Variants in GRHL2 observed in about 807,000 individuals in gnomAD.
GRHL2 encodes grainyhead like transcription factor 2, also known as grainyhead-like protein 2 homolog.
In GRHL2, 21 loss-of-function variants were observed where a neutral mutation model predicts 83.8. That is an observed-to-expected ratio of 0.25 (90% CI 0.18 to 0.36). The LOEUF is 0.36. GRHL2 is among the 10% of genes least tolerant of loss of function. The pLI is 1.00. For synonymous variants in GRHL2, 280 were observed against 278.9 expected (o/e 1.00, Z -0.04); for missense variants, 623 against 781.8 (o/e 0.80, Z 2.42).
At chr8:101,570,235 T>C in intron 4 of GRHL2, 104 bp from the exon 5 acceptor site, 1 of 988,746 alleles carries the variant, frequency 1.0e-6, no homozygotes. Flanking sequence ...TACATAACTT[T>C]ATTTTCTAAT....
chr8:101,624,617 T>C (rs1813044931), intron 9 of GRHL2, among the ~76,000 whole-genome samples: 1 of 117,678 alleles, frequency 8.5e-6, no homozygotes, highest in African/African-American at 3.0e-5. Flanking sequence ...CACAGGACAG[T>C]TTACAGTACA....
At chr8:101,595,072 T>C (rs1272730789) in intron 7 of GRHL2, among the ~76,000 whole-genome samples, 1 of 152,198 alleles carries the variant, frequency 6.6e-6, no homozygotes, top group African/African-American at 2.4e-5. Flanking sequence ...ATTCTGTCTC[T>C]AGGACTGAAA....
intron 9 of GRHL2, 44 bp downstream of exon 9, chr8:101,619,741 A>G: frequency 6.9e-7 from 1 of 1,445,298 alleles, no homozygotes; most frequent in Non-Finnish European, 9.7e-7. Context: ...CTTTTTTATT[A>G]GATATTACTT....
intron 7 of GRHL2, among the ~76,000 whole-genome samples, chr8:101,588,573 A>G (rs535395499): frequency 6.6e-6 from 1 of 152,294 alleles, no homozygotes; most frequent in African/African-American, 2.4e-5. Flanking sequence ...TTGGGCAGCC[A>G]GGGGTAAGTG....
chr8:101,624,755 C>A (rs1040806336), intron 9 of GRHL2, among the ~76,000 whole-genome samples: 4 of 152,096 alleles, frequency 2.6e-5, no homozygotes, highest in Non-Finnish European at 5.9e-5. Context: ...TTTCCAGAGG[C>A]CTGTTAACTC....
chr8:101,674,273 G>T (rs566741765), downstream of GRHL2, among the ~76,000 whole-genome samples: 1 of 152,188 alleles, frequency 6.6e-6, no homozygotes, highest in South Asian at 2.1e-4. Context: ...CCAGGAGCTG[G>T]TCTTTTGAAA....
At chr8:101,519,940 T>TATTTTCCTAATAAGA (rs1211853878) in intron 1 of GRHL2, among the ~76,000 whole-genome samples, 1 of 152,228 alleles carries the variant, frequency 6.6e-6, no homozygotes, top group Non-Finnish European at 1.5e-5. Flanking sequence ...AATTAGTTCT[T>TATTTTCCTAATAAGA]ATTTTCCTAA....
intron 14 of GRHL2, among the ~76,000 whole-genome samples, chr8:101,657,612 G>A (rs1054516055): frequency 9.9e-5 from 15 of 152,078 alleles, no homozygotes; most frequent in Admixed American, 5.2e-4. Context: ...AGGCCGAGAC[G>A]GGTGGATCAC....
chr8:101,543,802 A>G lies in GRHL2; in HGVS notation c.216+366A>G, dbSNP rs1374223946. 7 of 287,118 alleles carry G rather than the reference A, an allele frequency of 2.4e-5. No individual in the cohort carries two copies. The East Asian group carries it at 3.8e-4, about 16-fold the overall frequency. 17.8% of individuals were successfully genotyped at this position (287,118 alleles called of 1,614,324 possible). A position where few individuals can be genotyped will look rare whatever the true frequency, so the allele number is the denominator to read the frequency against. On this transcript the variant is annotated intron_variant, in intron 2 of 15. Transcript: ENST00000646743. ...TTACATTGAGTGGCTTTATTAGTCCATTTTCACACTGCTGATAAAGACATA... is the reference window on the plus strand; with the variant it reads ...TTACATTGAGTGGCTTTATTAGTCCGTTTTCACACTGCTGATAAAGACATA...
chr8:101,502,930 G>A (rs1051698884), intron 1 of GRHL2, among the ~76,000 whole-genome samples: 6 of 151,948 alleles, frequency 3.9e-5, no homozygotes, highest in African/African-American at 1.5e-4. Flanking sequence ...ATATTGCCAA[G>A]TGAATAGTTT....
rs939805173 is a variant in GRHL2 at position 101,666,798 on chromosome 8, CCCCATCTCA to C, written c.*97_*105del. ...GCCCCAGAACCTGGAGACCCATCTC[CCCCATCTCA>C]CAACTGCTGTTACAAGACCGTGCTG... On this transcript the variant is annotated 3_prime_UTR_variant, in exon 16 of 16. Coordinates refer to ENST00000646743, the MANE Select transcript of GRHL2 (RefSeq NM_024915.4). 122 of 778,042 alleles carry C rather than the reference CCCCATCTCA, an allele frequency of 1.6e-4. No individual in the cohort carries two copies. The highest frequency in any genetic ancestry group is 1.0e-3 in the African/African-American group (61 of 59,072). 48.2% of individuals were successfully genotyped at this position (778,042 alleles called of 1,614,324 possible).
chr8:101,676,454 G>T, the GRHL2 span, among the ~76,000 whole-genome samples: 120 of 152,116 alleles, frequency 7.9e-4, no homozygotes, highest in Non-Finnish European at 1.6e-3. Flanking sequence ...AAAAACACAT[G>T]AAAAAATGCT....
chr8:101,506,079 A>C (rs1263945612), intron 1 of GRHL2, among the ~76,000 whole-genome samples: 1 of 152,240 alleles, frequency 6.6e-6, no homozygotes, highest in Non-Finnish European at 1.5e-5. Context: ...TTTATGATAC[A>C]GAGATTTTTA....
intron 1 of GRHL2, among the ~76,000 whole-genome samples, chr8:101,534,150 TTAGCAGCTAAAC>T (rs1810993662): frequency 6.6e-6 from 1 of 152,218 alleles, no homozygotes; most frequent in Non-Finnish European, 1.5e-5. Flanking sequence ...ATCTCAAAAC[TTAGCAGCTAAAC>T]TAGCATACAT....
At chr8:101,677,841 T>C in the GRHL2 span, among the ~76,000 whole-genome samples, 1 of 152,058 alleles carries the variant, frequency 6.6e-6, no homozygotes, top group South Asian at 2.1e-4. Flanking sequence ...GTCCTGGACA[T>C]GTGGTCAGCG....
chr8:101,531,233 A>G, intron 1 of GRHL2, among the ~76,000 whole-genome samples: 1 of 151,776 alleles, frequency 6.6e-6, no homozygotes. Context: ...AAAAAAAAAA[A>G]AAAAAAAGAG....
At chr8:101,573,969 G>A in intron 6 of GRHL2, 145 bp downstream of exon 6, 4 of 890,070 alleles carry the variant, frequency 4.5e-6, no homozygotes, top group Non-Finnish European at 7.1e-6. Context: ...TGGGGCAAGA[G>A]CACTTATTGG....
chr8:101,623,825 T>A (rs1019520529), intron 9 of GRHL2, among the ~76,000 whole-genome samples: 1 of 61,828 alleles, frequency 1.6e-5, no homozygotes, highest in African/African-American at 3.4e-5. Flanking sequence ...CAGTACACAG[T>A]AGGACAGTAC....
chr8:101,624,101 A>T (rs1326527848), intron 9 of GRHL2, among the ~76,000 whole-genome samples: 3 of 151,704 alleles, frequency 2.0e-5, no homozygotes, highest in Non-Finnish European at 4.4e-5. Flanking sequence ...ACAGTAGGAC[A>T]GTTTACAGTA....
Sources: allele counts gnomAD v4.1 joint callset (sites outside exome capture counted in the v4.1 genomes callset), GRCh38; gene constraint gnomAD v4.1.1; transcripts MANE v1.5; gene names NCBI Gene and HGNC (gene_info 2026-07-23, HGNC 2026-07-21).